The following ARMH1 variants were observed in gnomAD, a reference collection of about 807,000 sequenced individuals.
ARMH1 encodes armadillo-like helical domain containing protein 1.
Under a neutral mutation model 50.2 loss-of-function variants are expected in ARMH1, and 34 were observed. The observed-to-expected ratio is 0.68, with a 90% CI of 0.51 to 0.90. The LOEUF (loss-of-function observed/expected upper bound fraction) is 0.90, where lower values mean the gene tolerates loss of function less well. Among genes scored for constraint, ARMH1 ranks in the 40% least tolerant of loss-of-function variants. The probability of loss-of-function intolerance (pLI) is 0.00; values close to 1 mark genes in which losing one functional copy is unlikely to be tolerated. For missense variants in ARMH1, 538 were observed against 553.9 expected (o/e 0.97, Z 0.29); for synonymous variants, 221 against 224.2 (o/e 0.99, Z 0.13).
intron 2 of ARMH1, among the ~76,000 whole-genome samples, chr1:44,693,770 T>C (rs1645736886): frequency 6.6e-6 from 1 of 152,210 alleles, no homozygotes. Flanking sequence ...ATGGACTTTT[T>C]ATATTAATTT....
chr1:44,683,316 C>T lies in ARMH1; in HGVS notation c.-22-6360C>T, dbSNP rs1348622640. Among the ~76,000 whole-genome samples, 1 of 152,110 alleles carries T rather than the reference C, an allele frequency of 6.6e-6. No homozygotes were observed. Among genetic ancestry groups the T allele is most frequent in the Non-Finnish European group, 1.5e-5 (1 of 68,020 alleles). The stretch of plus-strand genomic sequence containing the variant: ...TGACACATACCAGTGAAGAGTCTGC[C>T]GGTCACTTAAGTACATAAAGAGATC... On this transcript the variant is annotated intron_variant, in intron 1 of 11. Coordinates refer to ENST00000535358, the MANE Select transcript of ARMH1 (RefSeq NM_001145636.2). The surrounding 1 kb of genome is among the most constrained non-coding windows in gnomAD (Gnocchi z 4.2).
chr1:44,686,169 G>T (rs1269306460), intron 1 of ARMH1, among the ~76,000 whole-genome samples: 2 of 152,124 alleles, frequency 1.3e-5, no homozygotes, highest in Non-Finnish European at 2.9e-5. Context: ...GTGGGACAGA[G>T]GTTTCCAGGG....
At chr1:44,703,077 G>A (rs1646164869) in intron 5 of ARMH1, among the ~76,000 whole-genome samples, 1 of 152,204 alleles carries the variant, frequency 6.6e-6, no homozygotes, top group Admixed American at 6.5e-5. Flanking sequence ...TGAGCTTGAG[G>A]ATGTTTAATG....
intron 1 of ARMH1, among the ~76,000 whole-genome samples, chr1:44,687,066 C>T (rs1428114537): frequency 2.0e-5 from 3 of 152,096 alleles, no homozygotes; most frequent in Non-Finnish European, 2.9e-5. Flanking sequence ...TTTGCTAGAG[C>T]TGCCATAACA....
At chr1:44,712,811 G>A (rs1646675575) in intron 6 of ARMH1, among the ~76,000 whole-genome samples, 1 of 151,580 alleles carries the variant, frequency 6.6e-6, no homozygotes, top group African/African-American at 2.4e-5. Flanking sequence ...TTACAGGCAT[G>A]TGCCACCACG....
chr1:44,693,440 TG>T (rs1484865642), intron 2 of ARMH1, among the ~76,000 whole-genome samples: 1 of 152,170 alleles, frequency 6.6e-6, no homozygotes, highest in Non-Finnish European at 1.5e-5. Flanking sequence ...CATCTCATCA[TG>T]GATTTGTTGT....
chr1:44,699,510 C>T (rs867378817), intron 4 of ARMH1, among the ~76,000 whole-genome samples: 14 of 151,842 alleles, frequency 9.2e-5, no homozygotes, highest in Admixed American at 2.0e-4. Flanking sequence ...AGTGTGGTGG[C>T]GCAATATCAG....
At chr1:44,708,275 A>G (rs1035319879) in intron 6 of ARMH1, among the ~76,000 whole-genome samples, 3 of 152,222 alleles carry the variant, frequency 2.0e-5, no homozygotes, top group Non-Finnish European at 4.4e-5. Flanking sequence ...GCAAAACCAG[A>G]GTGAGGCCCT....
chr1:44,698,471 A>G (rs1645902697), intron 4 of ARMH1, among the ~76,000 whole-genome samples: 1 of 152,192 alleles, frequency 6.6e-6, no homozygotes, highest in African/African-American at 2.4e-5. Context: ...TCTTTCAGGC[A>G]TCCATTCAAA....
chr1:44,713,756 T>G (rs1380861404), intron 6 of ARMH1, among the ~76,000 whole-genome samples: 1 of 152,174 alleles, frequency 6.6e-6, no homozygotes, highest in East Asian at 1.9e-4. Flanking sequence ...ACACTGGTGC[T>G]TGACTCGAGT....
chr1:44,703,871 C>T (rs1307046917), intron 5 of ARMH1, among the ~76,000 whole-genome samples: 2 of 150,948 alleles, frequency 1.3e-5, no homozygotes, highest in Non-Finnish European at 3.0e-5. Context: ...GGACTACAGG[C>T]GCCTGGCACC....
rs373620658 is a variant in ARMH1 at position 44,682,278 on chromosome 1, G to T, written c.-22-7398G>T. On this transcript the variant is annotated intron_variant, in intron 1 of 11. Transcript: ENST00000535358. This position sits in a 1 kb window ranked among gnomAD's most constrained non-coding sequence, Gnocchi z 4.5. ...ACACTGATGTTGAAATTGCCTAGTGGCTCTTGAGTAAACAGGAAGGCTTAC... is the reference window on the plus strand; with the variant it reads ...ACACTGATGTTGAAATTGCCTAGTGTCTCTTGAGTAAACAGGAAGGCTTAC... Among the ~76,000 whole-genome samples the T allele has an allele frequency of 1.4e-4, 21 of 152,338 alleles. No individual in the cohort carries two copies. The South Asian group carries it at 4.3e-3, about 32-fold the overall frequency.
intron 2 of ARMH1, among the ~76,000 whole-genome samples, chr1:44,695,719 T>C (rs1645802853): frequency 1.3e-5 from 2 of 152,078 alleles, no homozygotes; most frequent in Admixed American, 6.5e-5. Flanking sequence ...GCAGGAGGAC[T>C]GCTTGAATTT....
intron 1 of ARMH1, among the ~76,000 whole-genome samples, chr1:44,676,525 A>G (rs1645146744): frequency 6.6e-6 from 1 of 152,218 alleles, no homozygotes. Context: ...GGTAATCAAG[A>G]TGAAGTGTCC....
At chr1:44,706,140 G>A (rs1646332682) in intron 6 of ARMH1, among the ~76,000 whole-genome samples, 1 of 152,250 alleles carries the variant, frequency 6.6e-6, no homozygotes, top group South Asian at 2.1e-4. Flanking sequence ...CTGAGCAAGT[G>A]CAGTGCCTCC....
At position 44,724,365 on chromosome 1, in the gene ARMH1, A is replaced by G. The variant is rs1647901731; in HGVS notation, c.893A>G (p.Gln298Arg). The change falls in exon 8 of 12, where the codon CAG (glutamine) becomes CGG (arginine). Residue 298 changes from glutamine to arginine, a missense_variant. Physicochemically the swap from Gln to Arg is conservative, Grantham distance 43. Transcript: ENST00000535358. This position sits in a 1 kb window ranked among gnomAD's most constrained non-coding sequence, Gnocchi z 6.4. ...ACCCCCAGCCTGCCGATGTTTTTGC[A>G]GCAGGCCGCGGCCGCCAAGGCCATC... ...QLTPSLPMFLQQAAAAKAIGV... is the reference protein window; with the variant it reads ...QLTPSLPMFLRQAAAAKAIGV... 2 of 1,551,088 alleles carry G rather than the reference A, an allele frequency of 1.3e-6. No homozygotes were observed. Among genetic ancestry groups the G allele is most frequent in the Non-Finnish European group, 1.7e-6 (2 of 1,146,948 alleles).
chr1:44,686,445 G>A (rs908038950), intron 1 of ARMH1, among the ~76,000 whole-genome samples: 4 of 152,192 alleles, frequency 2.6e-5, no homozygotes, highest in African/African-American at 9.7e-5. Context: ...GGAGGCTGAG[G>A]CAGGCAGATC....
intron 6 of ARMH1, among the ~76,000 whole-genome samples, chr1:44,712,903 A>T (rs1461981499): frequency 6.6e-6 from 1 of 152,048 alleles, no homozygotes; most frequent in Non-Finnish European, 1.5e-5. Context: ...ACCTCAGGTG[A>T]TATACCCGCC....
intron 6 of ARMH1, chr1:44,721,798 G>C (rs113803462): frequency 6.6e-6 from 1 of 151,528 alleles, no homozygotes; most frequent in South Asian, 2.1e-4. Flanking sequence ...CCTTGCCTAG[G>C]CAAGACTTCA....
Sources: gnomAD v4.1 joint callset for allele counts (sites outside exome capture counted in the v4.1 genomes callset) on GRCh38, gnomAD v4.1.1 for gene constraint, Gnocchi (gnomAD v3.1) non-coding constraint, MANE v1.5 for transcripts, NCBI Gene and HGNC (gene_info 2026-07-23, HGNC 2026-07-21) for gene names.